Variants in GCNT4 observed in about 807,000 individuals in gnomAD.
GCNT4 encodes the protein beta-1,3-galactosyl-O-glycosyl-glycoprotein beta-1,6-N-acetylglucosaminyltransferase 4.
In GCNT4, 17 loss-of-function variants were observed where a neutral mutation model predicts 31.3. The observed-to-expected ratio is 0.54, with a 90% CI of 0.37 to 0.81. GCNT4 has a LOEUF of 0.81. Ranked by LOEUF, GCNT4 falls within the 40% of genes least tolerant of loss-of-function variation. GCNT4 has a pLI of 0.00. For missense variants in GCNT4, 503 were observed against 525.5 expected, an observed-to-expected ratio of 0.96 and a Z score of 0.42; for synonymous variants, 158 against 190.6, an observed-to-expected ratio of 0.83 and a Z score of 1.41.
chr5:75,029,851 C>G lies in GCNT4; in HGVS notation c.187G>C (p.Val63Leu), dbSNP rs372145706. The change falls in exon 4 of 4, where the codon GTT (valine) becomes CTT (leucine). Residue 63 changes from valine to leucine, a missense_variant. Coordinates refer to ENST00000652361, the MANE Select transcript of GCNT4 (RefSeq NM_001366737.1). ...SPFVRNRYTH[V>L]KDEVRYEVNC... ...ACTTCATACCTGACTTCATCCTTAACATGAGTGTATCTGTTTCTTACAAAA... is the reference window on the plus strand; with the variant it reads ...ACTTCATACCTGACTTCATCCTTAAGATGAGTGTATCTGTTTCTTACAAAA... The G allele has an allele frequency of 6.2e-7, 1 of 1,614,136 alleles. No individual in the cohort carries two copies. Among genetic ancestry groups the G allele is most frequent in the Non-Finnish European group, 8.5e-7 (1 of 1,180,010 alleles).
intron 3 of GCNT4, among the ~76,000 whole-genome samples, chr5:75,042,611 A>T (rs1477782118): frequency 6.6e-6 from 1 of 152,242 alleles, no homozygotes; most frequent in African/African-American, 2.4e-5. Context: ...GCTTGAGGCC[A>T]GACCACACTC....
At chr5:75,041,271 C>T (rs1328498185) in intron 3 of GCNT4, among the ~76,000 whole-genome samples, 2 of 150,738 alleles carry the variant, frequency 1.3e-5, no homozygotes, top group African/African-American at 4.8e-5. Flanking sequence ...AGGGCCTTTG[C>T]CAGTCCTCTG....
the GCNT4 span, among the ~76,000 whole-genome samples, chr5:75,019,509 C>G: frequency 6.6e-6 from 1 of 152,186 alleles, no homozygotes; most frequent in Admixed American, 6.5e-5. Flanking sequence ...AGAGCTTGGA[C>G]TTGGGAGCCA....
At chr5:75,045,660 T>C (rs2149974452) in intron 3 of GCNT4, among the ~76,000 whole-genome samples, 1 of 152,342 alleles carries the variant, frequency 6.6e-6, no homozygotes, top group South Asian at 2.1e-4. Flanking sequence ...ATAAACCTTA[T>C]ATTCTTAGAT....
chr5:75,023,987 C>T (rs1321204742), downstream of GCNT4: 2 of 152,082 alleles, frequency 1.3e-5, no homozygotes, highest in Non-Finnish European at 1.5e-5. Context: ...TTTGGTGTGT[C>T]CACGTGGGTT....
downstream of GCNT4, among the ~76,000 whole-genome samples, chr5:75,023,117 C>G (rs1159476549): frequency 6.6e-6 from 1 of 152,138 alleles, no homozygotes; most frequent in African/African-American, 2.4e-5. Context: ...ACTTCTAGAT[C>G]CTTCCTGGAA....
intron 3 of GCNT4, among the ~76,000 whole-genome samples, chr5:75,031,604 T>C (rs1245251325): frequency 6.6e-6 from 1 of 152,156 alleles, no homozygotes; most frequent in African/African-American, 2.4e-5. Flanking sequence ...CACACAACAC[T>C]GGTAACGGGA....
chr5:75,033,265 C>A (rs1327314147), intron 3 of GCNT4, among the ~76,000 whole-genome samples: 1 of 152,160 alleles, frequency 6.6e-6, no homozygotes, highest in Non-Finnish European at 1.5e-5. Flanking sequence ...AGGCCTGGGG[C>A]ACACACATAC....
upstream of GCNT4, among the ~76,000 whole-genome samples, chr5:75,053,435 G>A (rs1371875500): frequency 5.9e-5 from 9 of 152,108 alleles, no homozygotes; most frequent in Non-Finnish European, 2.9e-5. Flanking sequence ...GGGGCGTCCC[G>A]GCGGAGACGA....
Position 75,028,149 on chromosome 5 carries a change from G to A in GCNT4, c.*527C>T, listed in dbSNP as rs1742988424. On this transcript the variant is annotated 3_prime_UTR_variant, in exon 4 of 4. Transcript: ENST00000652361. Reference sequence around the variant, plus strand: ...TTGGACTATTCTTTGAGATTTTTCTGAGGTAGTGAGTCTTTCCTCCTCTGC... The same window carrying A: ...TTGGACTATTCTTTGAGATTTTTCTAAGGTAGTGAGTCTTTCCTCCTCTGC... 9 of 152,916 alleles carry A rather than the reference G, an allele frequency of 5.9e-5. No homozygotes were observed. The Admixed American group carries it at 5.9e-4, about 10-fold the overall frequency. 9.5% of individuals were successfully genotyped at this position (152,916 alleles called of 1,614,324 possible). A position where few individuals can be genotyped will look rare whatever the true frequency, so the allele number is the denominator to read the frequency against.
At chr5:75,043,453 T>C (rs1743364490) in intron 3 of GCNT4, among the ~76,000 whole-genome samples, 1 of 152,240 alleles carries the variant, frequency 6.6e-6, no homozygotes. Flanking sequence ...CTAACTTCTA[T>C]TGTAGAGGAA....
intron 3 of GCNT4, among the ~76,000 whole-genome samples, chr5:75,035,192 T>C (rs939104494): frequency 6.6e-6 from 1 of 152,132 alleles, no homozygotes. Flanking sequence ...CCCAGCTAGG[T>C]AGGCACGACT....
intron 3 of GCNT4, among the ~76,000 whole-genome samples, chr5:75,032,941 A>G (rs565196710): frequency 1.3e-5 from 2 of 149,102 alleles, no homozygotes; most frequent in East Asian, 4.0e-4. Flanking sequence ...CATGGTTATT[A>G]GGTATAAATA....
chr5:75,040,312 G>T (rs1396082352), intron 3 of GCNT4, among the ~76,000 whole-genome samples: 1 of 151,562 alleles, frequency 6.6e-6, no homozygotes, highest in Non-Finnish European at 1.5e-5. Context: ...CACACTCCTT[G>T]TTTTCTTCTG....
rs924347896 is a variant in GCNT4 at position 75,025,770 on chromosome 5, C to T, written c.*2906G>A. Reference sequence around the variant, plus strand: ...CAGCAACACTGGTCTTTAAACACGTCTAATATCCCAAGAGATTGTTCACAC... The same window carrying T: ...CAGCAACACTGGTCTTTAAACACGTTTAATATCCCAAGAGATTGTTCACAC... On this transcript the variant is annotated 3_prime_UTR_variant, in exon 4 of 4. Coordinates refer to ENST00000652361, the MANE Select transcript of GCNT4 (RefSeq NM_001366737.1). 1.3e-5 allele frequency: 2 copies of T among 152,214 alleles called. No homozygotes were observed. Among genetic ancestry groups the T allele is most frequent in the Non-Finnish European group, 2.9e-5 (2 of 68,038 alleles). 9.4% of individuals were successfully genotyped at this position (152,214 alleles called of 1,614,324 possible).
At chr5:75,052,600 C>G (rs1285003419), upstream of GCNT4, 2 of 152,262 alleles carry the variant, frequency 1.3e-5, no homozygotes, top group East Asian at 3.9e-4. Context: ...AGAAACTGGT[C>G]TCTGGGAAGG....
downstream of GCNT4, among the ~76,000 whole-genome samples, chr5:75,022,969 C>T (rs1357355606): frequency 1.5e-4 from 23 of 152,266 alleles, no homozygotes; most frequent in Non-Finnish European, 8.8e-5. Context: ...AGATGTCCCA[C>T]CCAGTGACTT....
At chr5:75,041,025 A>G (rs1047209002) in intron 3 of GCNT4, among the ~76,000 whole-genome samples, 1 of 152,236 alleles carries the variant, frequency 6.6e-6, no homozygotes, top group Non-Finnish European at 1.5e-5. Flanking sequence ...GAGCACGTGC[A>G]ATCAGTTTCA....
intron 3 of GCNT4, among the ~76,000 whole-genome samples, chr5:75,044,944 T>C (rs1214555095): frequency 2.0e-5 from 3 of 152,236 alleles, no homozygotes. Context: ...ATATTAGGAT[T>C]CAGGCAACAC....
Sources: gnomAD v4.1 joint callset for allele counts (sites outside exome capture counted in the v4.1 genomes callset) on GRCh38, gnomAD v4.1.1 for gene constraint, MANE v1.5 for transcripts, NCBI Gene and HGNC (gene_info 2026-07-23, HGNC 2026-07-21) for gene names.